ACTN1: variants seen among roughly 807,000 people sequenced by gnomAD.
ACTN1 encodes the protein alpha-actinin-1.
ACTN1 carries 30 observed loss-of-function variants against 119.6 expected under a neutral mutation model. That is an observed-to-expected ratio of 0.25 (90% CI 0.19 to 0.34). ACTN1 has a LOEUF of 0.34. Ranked by LOEUF, ACTN1 falls within the 10% of genes least tolerant of loss-of-function variation. ACTN1 has a pLI of 1.00. For missense variants in ACTN1, 764 were observed against 1,223.4 expected (o/e 0.62, Z 5.60); for synonymous variants, 429 against 472.6 (o/e 0.91, Z 1.20).
chr14:68,967,224 C>T (rs764358860), intron 1 of ACTN1, among the ~76,000 whole-genome samples: 4 of 152,206 alleles, frequency 2.6e-5, no homozygotes, highest in Non-Finnish European at 5.9e-5. Context: ...AGCAATCAAC[C>T]TCATCTCTGG....
chr14:68,883,192 C>T, intron 14 of ACTN1, 137 bp from the exon 15 acceptor site: 2 of 904,638 alleles, frequency 2.2e-6, no homozygotes, highest in South Asian at 3.3e-5. Flanking sequence ...GGCTGAGAAC[C>T]AGGATGGCAG....
chr14:68,875,173 C>A, intron 21 of ACTN1, 156 bp from the exon 22 acceptor site: 1 of 1,515,690 alleles, frequency 6.6e-7, no homozygotes, highest in Non-Finnish European at 8.8e-7. Context: ...CGTAAATATC[C>A]ACACATGTAC....
chr14:68,934,470 T>C (rs4899273), intron 1 of ACTN1, among the ~76,000 whole-genome samples: 20,934 of 152,278 alleles, frequency 0.14, 2,483 homozygotes, highest in East Asian at 0.65. Flanking sequence ...TTTCTGATCA[T>C]TTCCACTGCT....
intron 1 of ACTN1, among the ~76,000 whole-genome samples, chr14:68,963,623 G>C (rs1289465295): frequency 1.3e-5 from 2 of 152,208 alleles, no homozygotes; most frequent in Non-Finnish European, 2.9e-5. Context: ...CACCTGGCCA[G>C]TTATCCAGAG....
chr14:68,926,493 G>A (rs1192081351), intron 1 of ACTN1, among the ~76,000 whole-genome samples: 1 of 152,178 alleles, frequency 6.6e-6, no homozygotes, highest in Non-Finnish European at 1.5e-5. Flanking sequence ...TCTAAAACAG[G>A]TGTCTCTCTC....
chr14:68,876,993 G>T, intron 21 of ACTN1, 89 bp downstream of exon 21: 1 of 1,486,104 alleles, frequency 6.7e-7, no homozygotes. Flanking sequence ...GGGCGGTTGA[G>T]GAGTTCATGT....
rs781067137 is a variant in ACTN1 at position 68,881,936 on chromosome 14, C to CTTTTTTTTTTTTTTTTTTTTT, written c.1953+521_1953+522insAAAAAAAAAAAAAAAAAAAAA. Among the ~76,000 whole-genome samples, 32 of 58,390 alleles carry CTTTTTTTTTTTTTTTTTTTTT rather than the reference C, an allele frequency of 5.5e-4. 3 individuals are homozygous for CTTTTTTTTTTTTTTTTTTTTT. The highest frequency in any genetic ancestry group is 7.0e-4 in the Non-Finnish European group (23 of 33,044). 38.3% of individuals were successfully genotyped at this position (58,390 alleles called of 152,430 possible). A position where few individuals can be genotyped will look rare whatever the true frequency, so the allele number is the denominator to read the frequency against. On this transcript the variant is annotated intron_variant, in intron 16 of 21. Coordinates refer to ENST00000394419, the MANE Select transcript of ACTN1 (RefSeq NM_001130004.2). ...AGTATGGGACTTTCATAGGCAGCTTCTTTTTTTTTTTTTTTTTTTGACAGA... is the reference window on the plus strand; with the variant it reads ...AGTATGGGACTTTCATAGGCAGCTTCTTTTTTTTTTTTTTTTTTTTTTTTTTTTTTTTTTTTTTTTGACAGA...
intron 1 of ACTN1, chr14:68,977,506 T>A (rs186935013): frequency 6.4e-4 from 119 of 186,816 alleles, no homozygotes; most frequent in Non-Finnish European, 2.1e-4. Flanking sequence ...CAGCCCTGCA[T>A]AGGCCTTGGG....
At chr14:68,948,745 G>T (rs956378778) in intron 1 of ACTN1, among the ~76,000 whole-genome samples, 39 of 134,438 alleles carry the variant, frequency 2.9e-4, no homozygotes, top group African/African-American at 9.7e-4. Context: ...TCTGTAACTG[G>T]GCATCCAGGA....
At chr14:68,940,677 TAAAA>T (rs56676308) in intron 1 of ACTN1, among the ~76,000 whole-genome samples, 2 of 138,318 alleles carry the variant, frequency 1.4e-5, no homozygotes, top group African/African-American at 5.3e-5. Flanking sequence ...TGTCTCTACT[TAAAA>T]AAAAAAAAAA....
chr14:68,943,999 C>T (rs540758201), intron 1 of ACTN1, among the ~76,000 whole-genome samples: 31 of 152,218 alleles, frequency 2.0e-4, no homozygotes, highest in Non-Finnish European at 4.1e-4. Context: ...CAGTCTCAAG[C>T]CACACGGGCA....
Position 68,890,176 on chromosome 14 carries a change from G to A in ACTN1, c.1197C>T (p.Phe399=), listed in dbSNP as rs1378398116. The change falls in exon 11 of 22, where the codon TTC becomes TTT. Residue 399 remains phenylalanine, a synonymous_variant. Coordinates refer to ENST00000394419, the MANE Select transcript of ACTN1 (RefSeq NM_001130004.2). ...LERLDHLAEK[F]RQKASIHEAW... is the part of the protein sequence containing the mutation. ...CCTCGTGGATGGAGGCCTTCTGCCGGAACTTCTCTGCCAGGTGGTCCAGTC... is the reference window on the plus strand; with the variant it reads ...CCTCGTGGATGGAGGCCTTCTGCCGAAACTTCTCTGCCAGGTGGTCCAGTC... 6.2e-7 allele frequency: 1 copy of A among 1,614,174 alleles called. No individual in the cohort carries two copies.
chr14:68,972,618 CG>C (rs1224837182), intron 1 of ACTN1, among the ~76,000 whole-genome samples: 13 of 152,128 alleles, frequency 8.5e-5, no homozygotes, highest in African/African-American at 3.1e-4. Flanking sequence ...TTTCCATCAC[CG>C]GGGTTTTGTT....
intron 1 of ACTN1, among the ~76,000 whole-genome samples, chr14:68,972,669 A>T (rs1039926933): frequency 2.6e-5 from 4 of 152,216 alleles, no homozygotes; most frequent in Non-Finnish European, 5.9e-5. Flanking sequence ...TACCCACGCA[A>T]GCATTTGTTG....
chr14:68,945,301 G>C (rs2035909264), intron 1 of ACTN1, among the ~76,000 whole-genome samples: 1 of 151,868 alleles, frequency 6.6e-6, no homozygotes. Context: ...CAGGAGGGAA[G>C]AAGAGGGTGC....
At chr14:68,926,212 T>G (rs2034917795) in intron 1 of ACTN1, among the ~76,000 whole-genome samples, 1 of 151,902 alleles carries the variant, frequency 6.6e-6, no homozygotes, top group Non-Finnish European at 1.5e-5. Context: ...GGGAGAAGAG[T>G]AAGCACCCCA....
intron 1 of ACTN1, chr14:68,947,643 C>T (rs966826854): frequency 3.3e-5 from 5 of 152,292 alleles, no homozygotes; most frequent in Non-Finnish European, 7.3e-5. Context: ...GGTTCCCGTT[C>T]CTATTCCCTC....
chr14:68,879,902 C>T lies in ACTN1; in HGVS notation c.2280+60G>A. On this transcript the variant is annotated intron_variant, in intron 18 of 21. Coordinates refer to ENST00000394419, the MANE Select transcript of ACTN1 (RefSeq NM_001130004.2). This position sits in a 1 kb window ranked among gnomAD's most constrained non-coding sequence, Gnocchi z 4.9. ...AGCCCACGTCCCGGGGAAGTGCCCT[C>T]CAGGGCCCTGGGGCAGGGGTTGGGG... 1 of 1,589,586 alleles carries T rather than the reference C, an allele frequency of 6.3e-7. No individual in the cohort carries two copies. Among genetic ancestry groups the T allele is most frequent in the Non-Finnish European group, 8.6e-7 (1 of 1,164,186 alleles).
At position 68,921,278 on chromosome 14, in the gene ACTN1, G is replaced by A. The variant is rs1002425341; in HGVS notation, c.221-153C>T. 6 of 877,540 alleles carry A rather than the reference G, an allele frequency of 6.8e-6. No homozygotes were observed. In the African/African-American group the frequency reaches 1.0e-4, roughly 15 times the overall value. The allele number at this position is 877,540 out of a possible 1,614,324, so 54.4% of individuals were successfully genotyped here. ...GTGTGTGCTCACACGCTGCTCAGGG[G>A]CTGGAGAATGTCACCCTGGCAGGGA... is the stretch of plus-strand genomic sequence containing the variant. On this transcript the variant is annotated intron_variant, in intron 2 of 21. Coordinates refer to ENST00000394419, the MANE Select transcript of ACTN1 (RefSeq NM_001130004.2).
Sources: gnomAD v4.1 joint callset for allele counts (sites outside exome capture counted in the v4.1 genomes callset) on GRCh38, gnomAD v4.1.1 for gene constraint, Gnocchi (gnomAD v3.1) non-coding constraint, MANE v1.5 for transcripts, NCBI Gene and HGNC (gene_info 2026-07-23, HGNC 2026-07-21) for gene names.